Variants in DRC2 observed in about 807,000 individuals in gnomAD.
The protein encoded by DRC2 is coiled-coil domain containing 65.
At chr12:48,920,659 CTG>C in the DRC2 span, among the ~76,000 whole-genome samples, 2 of 151,384 alleles carry the variant, frequency 1.3e-5, no homozygotes, top group East Asian at 4.0e-4. Context: ...GTAGCTGAGA[CTG>C]TAGGCATGTG....
chr12:48,921,172 T>C, the DRC2 span: 5 of 1,613,734 alleles, frequency 3.1e-6, no homozygotes, highest in Admixed American at 1.7e-5. Flanking sequence ...TCCCAGGTGA[T>C]GGTGGACTAC....
the DRC2 span, chr12:48,914,624 A>C: frequency 1.9e-6 from 3 of 1,576,940 alleles, no homozygotes; most frequent in Non-Finnish European, 1.7e-6. Flanking sequence ...GAGTGCCCAG[A>C]GTCCGTGTCA....
chr12:48,917,073 G>A, the DRC2 span: 1 of 1,614,148 alleles, frequency 6.2e-7, no homozygotes, highest in Non-Finnish European at 8.5e-7. Flanking sequence ...AAGCAAGCTG[G>A]AGTTCCAGAG....
At chr12:48,904,665 G>A in the DRC2 span, among the ~76,000 whole-genome samples, 1 of 152,184 alleles carries the variant, frequency 6.6e-6, no homozygotes, top group African/African-American at 2.4e-5. Context: ...CGTGGTATAC[G>A]GCTTGGCAAT....
chr12:48,905,223 C>T, the DRC2 span: 1 of 980,458 alleles, frequency 1.0e-6, no homozygotes, highest in South Asian at 1.9e-5. Flanking sequence ...GTGAGAAAGC[C>T]AGGCTATTGG....
the DRC2 span, chr12:48,904,871 ATAAAT>A: frequency 1.5e-6 from 2 of 1,300,018 alleles, no homozygotes; most frequent in Non-Finnish European, 2.1e-6. Flanking sequence ...GTGTCAGCTG[ATAAAT>A]TAAGAGTGAT....
At chr12:48,908,304 C>T in the DRC2 span, among the ~76,000 whole-genome samples, 1 of 152,042 alleles carries the variant, frequency 6.6e-6, no homozygotes, top group African/African-American at 2.4e-5. Flanking sequence ...CCTCCCACTT[C>T]GGCCTCCCAA....
At chr12:48,908,595 A>T in the DRC2 span, among the ~76,000 whole-genome samples, 4 of 121,762 alleles carry the variant, frequency 3.3e-5, no homozygotes, top group Non-Finnish European at 5.4e-5. Context: ...TATTATTATT[A>T]TTATTATTAT....
chr12:48,905,158 T>A, the DRC2 span: 2 of 1,500,836 alleles, frequency 1.3e-6, no homozygotes, highest in Non-Finnish European at 1.8e-6. Context: ...CTTCCTGACC[T>A]CTTAATAGAA....
At chr12:48,917,215 C>A in the DRC2 span, 3 of 1,315,740 alleles carry the variant, frequency 2.3e-6, no homozygotes, top group Non-Finnish European at 3.2e-6. Flanking sequence ...CCTTGGTAGG[C>A]CAAGGCAGGA....
the DRC2 span, among the ~76,000 whole-genome samples, chr12:48,916,671 C>CT: frequency 7.4e-6 from 1 of 134,568 alleles, no homozygotes; most frequent in African/African-American, 2.9e-5. Flanking sequence ...CAACTACCCA[C>CT]TTTCAACTAT....
At chr12:48,913,742 G>T in the DRC2 span, among the ~76,000 whole-genome samples, 2 of 151,196 alleles carry the variant, frequency 1.3e-5, no homozygotes, top group South Asian at 2.1e-4. Context: ...TGATCCACCC[G>T]CCTTGGCCTC....
At chr12:48,918,230 A>G in the DRC2 span, 1 of 1,582,002 alleles carries the variant, frequency 6.3e-7, no homozygotes, top group East Asian at 2.2e-5. Flanking sequence ...AAAGGGCACT[A>G]ATAAGGTAAT....
the DRC2 span, among the ~76,000 whole-genome samples, chr12:48,908,561 A>T: frequency 7.1e-6 from 1 of 141,306 alleles, no homozygotes; most frequent in Non-Finnish European, 1.5e-5. Context: ...TTCTCTGCAG[A>T]ACTACCAGGA....
At chr12:48,917,472 T>TA in the DRC2 span, among the ~76,000 whole-genome samples, 2 of 150,634 alleles carry the variant, frequency 1.3e-5, no homozygotes, top group Non-Finnish European at 3.0e-5. Context: ...TCAAAAAAAT[T>TA]AAAAAAAGAA....
the DRC2 span, among the ~76,000 whole-genome samples, chr12:48,915,920 CGG>C: frequency 6.8e-6 from 1 of 147,606 alleles, no homozygotes; most frequent in Non-Finnish European, 1.5e-5. Flanking sequence ...ACCTCCCAGA[CGG>C]GGTGGCGGCC....
the DRC2 span, among the ~76,000 whole-genome samples, chr12:48,906,818 G>C: frequency 1.4e-5 from 2 of 146,012 alleles, no homozygotes; most frequent in African/African-American, 5.1e-5. Context: ...CACCTGCCTC[G>C]GCCTCCCAAA....
At chr12:48,915,942 C>G in the DRC2 span, among the ~76,000 whole-genome samples, 8 of 146,820 alleles carry the variant, frequency 5.4e-5, no homozygotes, top group East Asian at 2.1e-4. Context: ...CGGGCAGAGG[C>G]GCTCCTCACA....
chr12:48,919,221 C>CT, the DRC2 span, among the ~76,000 whole-genome samples: 66 of 144,738 alleles, frequency 4.6e-4, 1 homozygote, highest in South Asian at 1.5e-3. Flanking sequence ...CCCCTTCCTA[C>CT]TTTTTTTTTT....
Sources: gnomAD v4.1 joint callset for allele counts (sites outside exome capture counted in the v4.1 genomes callset) on GRCh38, gnomAD v4.1.1 for gene constraint, MANE v1.5 for transcripts, NCBI Gene and HGNC (gene_info 2026-07-23, HGNC 2026-07-21) for gene names.